VAT1L: variants seen among roughly 807,000 people sequenced by gnomAD.
VAT1L encodes vesicle amine transport 1 like, also known as putative NADPH-dependent quinone oxidoreductase VAT1L.
A neutral mutation model predicts 44.1 loss-of-function variants in VAT1L; 34 were observed. The observed-to-expected ratio is 0.77, with a 90% CI of 0.59 to 1.03. VAT1L has a LOEUF of 1.03. Among genes scored for constraint, VAT1L ranks in the 50% least tolerant of loss-of-function variants. The pLI is 0.00. For missense variants in VAT1L, 615 were observed against 538.8 expected (o/e 1.14, Z -1.40); for synonymous variants, 253 against 202.2 (o/e 1.25, Z -2.13).
At chr16:77,871,295 G>T (rs943649720) in intron 4 of VAT1L, among the ~76,000 whole-genome samples, 1 of 151,468 alleles carries the variant, frequency 6.6e-6, no homozygotes, top group Non-Finnish European at 1.5e-5. Context: ...GAGAGGATTT[G>T]TGGTTCTGTT....
intron 3 of VAT1L, among the ~76,000 whole-genome samples, chr16:77,857,691 C>T (rs1156410311): frequency 1.3e-5 from 2 of 149,902 alleles, no homozygotes; most frequent in South Asian, 2.1e-4. Context: ...TATAATTATA[C>T]ATATACACAT....
At chr16:77,938,716 C>G (rs6564486) in intron 7 of VAT1L, among the ~76,000 whole-genome samples, 1 of 152,062 alleles carries the variant, frequency 6.6e-6, no homozygotes, top group Non-Finnish European at 1.5e-5. Flanking sequence ...GTACAGGCTG[C>G]GGAACCATGA....
chr16:77,845,136 T>C (rs556055281), intron 3 of VAT1L, among the ~76,000 whole-genome samples: 37 of 151,262 alleles, frequency 2.4e-4, no homozygotes, highest in African/African-American at 6.9e-4. Context: ...CTGCTGGCCA[T>C]TGGGCTGTGT....
At chr16:77,868,831 T>C (rs1037445225) in intron 4 of VAT1L, among the ~76,000 whole-genome samples, 1 of 152,042 alleles carries the variant, frequency 6.6e-6, no homozygotes, top group African/African-American at 2.4e-5. Flanking sequence ...GCCTTGTCCA[T>C]TGCAGATGTT....
intron 7 of VAT1L, among the ~76,000 whole-genome samples, chr16:77,901,790 T>C (rs757765344): frequency 1.3e-5 from 2 of 152,118 alleles, no homozygotes; most frequent in Non-Finnish European, 2.9e-5. Flanking sequence ...CCCTCACCCC[T>C]AACCTGAAAT....
intron 7 of VAT1L, among the ~76,000 whole-genome samples, chr16:77,942,301 C>T (rs1212342627): frequency 6.6e-6 from 1 of 152,124 alleles, no homozygotes; most frequent in Non-Finnish European, 1.5e-5. Context: ...ATCACGTGAA[C>T]AGCACATGAA....
At chr16:77,803,830 A>G (rs954831018) in intron 1 of VAT1L, among the ~76,000 whole-genome samples, 1 of 152,198 alleles carries the variant, frequency 6.6e-6, no homozygotes, top group Non-Finnish European at 1.5e-5. Flanking sequence ...ATGAGAAATC[A>G]AACCATCATT....
chr16:77,964,632 G>T (rs1369993924), intron 7 of VAT1L, among the ~76,000 whole-genome samples: 1 of 152,102 alleles, frequency 6.6e-6, no homozygotes, highest in Non-Finnish European at 1.5e-5. Context: ...CATATCCTCA[G>T]GTTCTGGAGA....
At chr16:77,804,336 T>TCC in intron 1 of VAT1L, among the ~76,000 whole-genome samples, 1 of 152,022 alleles carries the variant, frequency 6.6e-6, no homozygotes, top group Non-Finnish European at 1.5e-5. Flanking sequence ...GTCAAAAGAG[T>TCC]TAGTCTCAGC....
At chr16:77,903,293 T>C (rs370307600) in intron 7 of VAT1L, among the ~76,000 whole-genome samples, 1 of 152,196 alleles carries the variant, frequency 6.6e-6, no homozygotes, top group East Asian at 1.9e-4. Context: ...AAGCTCTACC[T>C]CTGATTTGCT....
At chr16:77,869,553 C>T (rs2017009006) in intron 4 of VAT1L, among the ~76,000 whole-genome samples, 1 of 152,152 alleles carries the variant, frequency 6.6e-6, no homozygotes, top group African/African-American at 2.4e-5. Context: ...CCTGTAGTCC[C>T]AGCTACTTGG....
chr16:77,814,489 A>G (rs548865562), intron 1 of VAT1L, among the ~76,000 whole-genome samples: 1 of 152,310 alleles, frequency 6.6e-6, no homozygotes, highest in South Asian at 2.1e-4. Context: ...CACTGGGCCC[A>G]GTTCATGCTG....
intron 7 of VAT1L, among the ~76,000 whole-genome samples, chr16:77,925,991 G>A (rs572963533): frequency 1.2e-4 from 18 of 152,222 alleles, no homozygotes; most frequent in African/African-American, 2.9e-4. Context: ...GGCCGGGTGC[G>A]GTGGCTCATA....
intron 7 of VAT1L, among the ~76,000 whole-genome samples, chr16:77,920,811 A>G (rs915822235): frequency 2.6e-5 from 4 of 152,146 alleles, no homozygotes; most frequent in East Asian, 3.9e-4. Context: ...GCCTAGGTGT[A>G]TGGTAGGCTA....
At chr16:77,930,506 C>G (rs1292174868) in intron 7 of VAT1L, among the ~76,000 whole-genome samples, 1 of 152,180 alleles carries the variant, frequency 6.6e-6, no homozygotes, top group African/African-American at 2.4e-5. Context: ...TAGATAACCC[C>G]TCGCTGAATC....
chr16:77,859,531 G>C (rs9925217), intron 3 of VAT1L, among the ~76,000 whole-genome samples: 1,539 of 152,296 alleles, frequency 0.01, 24 homozygotes, highest in African/African-American at 0.035. Flanking sequence ...AGCTGTGATG[G>C]ACATTGGGAA....
intron 7 of VAT1L, among the ~76,000 whole-genome samples, chr16:77,945,082 G>C (rs2017943325): frequency 6.6e-6 from 1 of 152,122 alleles, no homozygotes; most frequent in African/African-American, 2.4e-5. Context: ...AGATTATCCA[G>C]CTTAAGTCAC....
At chr16:77,967,902 G>A (rs1320613098) in intron 7 of VAT1L, among the ~76,000 whole-genome samples, 1 of 152,114 alleles carries the variant, frequency 6.6e-6, no homozygotes, top group Non-Finnish European at 1.5e-5. Flanking sequence ...TACGGACTAG[G>A]CAGAACTGGG....
chr16:77,834,184 C>G (rs1473793489), intron 3 of VAT1L, among the ~76,000 whole-genome samples: 1 of 152,180 alleles, frequency 6.6e-6, no homozygotes, highest in African/African-American at 2.4e-5. Context: ...TATCTAGGCC[C>G]TTGCCTTCCT....
Sources: allele counts gnomAD v4.1 joint callset (sites outside exome capture counted in the v4.1 genomes callset), GRCh38; gene constraint gnomAD v4.1.1; transcripts MANE v1.5; gene names NCBI Gene and HGNC (gene_info 2026-07-23, HGNC 2026-07-21).